AGBL4: variants seen among roughly 807,000 people sequenced by gnomAD.
AGBL4 encodes AGBL carboxypeptidase 4, also known as cytosolic carboxypeptidase 6.
In AGBL4, 58 loss-of-function variants were observed where a neutral mutation model predicts 66.4. The observed-to-expected ratio is 0.87, with a 90% confidence interval of 0.71 to 1.09. AGBL4 has a LOEUF of 1.09. Among genes scored for constraint, AGBL4 ranks in the 50% least tolerant of loss-of-function variants. The pLI is 0.00. For synonymous variants in AGBL4, 234 were observed against 222.9 expected, an observed-to-expected ratio of 1.05 and a Z score of -0.44; for missense variants, 579 against 631.0, an observed-to-expected ratio of 0.92 and a Z score of 0.88.
chr1:49,550,241 G>T (rs1490657933), intron 3 of AGBL4, among the ~76,000 whole-genome samples: 1 of 152,162 alleles, frequency 6.6e-6, no homozygotes, highest in African/African-American at 2.4e-5. Flanking sequence ...CAGAAGTTCT[G>T]TATCTTTTAA....
At chr1:49,657,330 A>G (rs923144019) in intron 3 of AGBL4, among the ~76,000 whole-genome samples, 34 of 152,350 alleles carry the variant, frequency 2.2e-4, no homozygotes, top group African/African-American at 8.2e-4. Context: ...AAGGAGAACT[A>G]CAAACCACTG....
intron 5 of AGBL4, among the ~76,000 whole-genome samples, chr1:48,928,280 G>A (rs1298494255): frequency 3.3e-5 from 5 of 152,250 alleles, no homozygotes; most frequent in East Asian, 1.9e-4. Flanking sequence ...TAGTACATCC[G>A]CACTTACAGG....
chr1:49,842,455 A>C (rs1003854471), intron 2 of AGBL4: 2 of 907,074 alleles, frequency 2.2e-6, no homozygotes, highest in African/African-American at 3.6e-5. Flanking sequence ...CTCTGTCTGC[A>C]TGTGCTCTCT....
chr1:48,995,994 G>T (rs1180340127), intron 5 of AGBL4, among the ~76,000 whole-genome samples: 2 of 152,128 alleles, frequency 1.3e-5, no homozygotes, highest in Non-Finnish European at 2.9e-5. Flanking sequence ...CTGGATTAGG[G>T]TTATGGCAGA....
intron 2 of AGBL4, among the ~76,000 whole-genome samples, chr1:49,765,302 C>T (rs1652652727): frequency 6.6e-6 from 1 of 152,078 alleles, no homozygotes; most frequent in Non-Finnish European, 1.5e-5. Flanking sequence ...GGTCAAACCA[C>T]ATGGCTCAAT....
chr1:49,413,489 G>A (rs1474759350), intron 3 of AGBL4, among the ~76,000 whole-genome samples: 1 of 152,202 alleles, frequency 6.6e-6, no homozygotes, highest in African/African-American at 2.4e-5. Context: ...GCAACAATGG[G>A]TGGAATTGAT....
chr1:49,783,965 A>C (rs1317226494), intron 2 of AGBL4, among the ~76,000 whole-genome samples: 5 of 152,158 alleles, frequency 3.3e-5, no homozygotes, highest in Admixed American at 3.3e-4. Flanking sequence ...GTACACTGAA[A>C]ACTACAAAAT....
chr1:49,561,236 T>A lies in AGBL4; in HGVS notation c.282+136077A>T, dbSNP rs190723031. ...ACCAATTTAGGGTGTAGAGCTTTTTTAAGTTTTCTTTTTAAAAAAAATTGT... is the reference window on the plus strand; with the variant it reads ...ACCAATTTAGGGTGTAGAGCTTTTTAAAGTTTTCTTTTTAAAAAAAATTGT... On this transcript the variant is annotated intron_variant, in intron 3 of 13. Coordinates refer to ENST00000371839, the MANE Select transcript of AGBL4 (RefSeq NM_032785.4). Among the ~76,000 whole-genome samples, 1,216 of 151,044 alleles carry A rather than the reference T, an allele frequency of 8.1e-3. 15 individuals carry two copies. Among genetic ancestry groups the A allele is most frequent in the Non-Finnish European group, 0.012 (791 of 67,658 alleles).
chr1:49,070,013 T>A (rs1644569265), intron 4 of AGBL4, among the ~76,000 whole-genome samples: 1 of 151,950 alleles, frequency 6.6e-6, no homozygotes, highest in Non-Finnish European at 1.5e-5. Context: ...GGGAGTTCAC[T>A]CATGATTTGG....
At chr1:50,020,845 G>T (rs1217898195) in intron 1 of AGBL4, among the ~76,000 whole-genome samples, 1 of 152,150 alleles carries the variant, frequency 6.6e-6, no homozygotes, top group African/African-American at 2.4e-5. Context: ...ATAAATGTTG[G>T]CTATTTCAAG....
At chr1:48,549,466 A>AGGAGAG (rs376882312) in intron 11 of AGBL4, among the ~76,000 whole-genome samples, 5 of 152,172 alleles carry the variant, frequency 3.3e-5, no homozygotes, top group Non-Finnish European at 5.9e-5. Context: ...GAGAGGGAGA[A>AGGAGAG]GGAGAGGGAG....
chr1:48,564,916 C>T (rs151224481), intron 11 of AGBL4, among the ~76,000 whole-genome samples: 25 of 152,310 alleles, frequency 1.6e-4, no homozygotes, highest in African/African-American at 4.8e-4. Flanking sequence ...ACAGGGTCTT[C>T]TGCGCTCAGA....
At chr1:49,802,606 A>C (rs1404683151) in intron 2 of AGBL4, among the ~76,000 whole-genome samples, 1 of 152,138 alleles carries the variant, frequency 6.6e-6, no homozygotes, top group Non-Finnish European at 1.5e-5. Context: ...CTTCATCCCC[A>C]TGTGACCATC....
chr1:49,355,379 A>C (rs1166153192), intron 3 of AGBL4, among the ~76,000 whole-genome samples: 2 of 152,272 alleles, frequency 1.3e-5, no homozygotes. Context: ...CTCACTCATT[A>C]AATTCAATCC....
At chr1:49,567,005 C>T (rs959300043) in intron 3 of AGBL4, among the ~76,000 whole-genome samples, 36 of 152,294 alleles carry the variant, frequency 2.4e-4, no homozygotes, top group Admixed American at 7.2e-4. Flanking sequence ...CAATGGCAGG[C>T]GCCCCTCCCC....
chr1:48,790,777 G>A (rs1645530446), intron 6 of AGBL4, among the ~76,000 whole-genome samples: 2 of 152,140 alleles, frequency 1.3e-5, no homozygotes, highest in African/African-American at 4.8e-5. Context: ...ATTATTGCAA[G>A]AGTGAGTTTG....
intron 5 of AGBL4, among the ~76,000 whole-genome samples, chr1:48,940,903 A>G (rs1655912215): frequency 6.6e-6 from 1 of 152,254 alleles, no homozygotes; most frequent in Non-Finnish European, 1.5e-5. Flanking sequence ...GCAAAAATCA[A>G]AACCAAAACT....
intron 6 of AGBL4, among the ~76,000 whole-genome samples, chr1:48,681,340 T>A (rs1646451694): frequency 6.6e-6 from 1 of 152,202 alleles, no homozygotes; most frequent in African/African-American, 2.4e-5. Context: ...CTTGTAGGTG[T>A]GAAGAGGCCA....
intron 3 of AGBL4, among the ~76,000 whole-genome samples, chr1:49,604,636 G>T (rs1383887329): frequency 6.6e-6 from 1 of 151,872 alleles, no homozygotes; most frequent in East Asian, 1.9e-4. Context: ...TTAATTTTTT[G>T]AATCATTTTA....
Sources: gnomAD v4.1 joint callset for allele counts (sites outside exome capture counted in the v4.1 genomes callset) on GRCh38, gnomAD v4.1.1 for gene constraint, MANE v1.5 for transcripts, NCBI Gene and HGNC (gene_info 2026-07-23, HGNC 2026-07-21) for gene names.